BLTP1: variants seen among roughly 807,000 people sequenced by gnomAD.
BLTP1 encodes the protein fragile site-associated protein.
At chr4:122,284,714 T>G in the BLTP1 span, among the ~76,000 whole-genome samples, 6 of 152,190 alleles carry the variant, frequency 3.9e-5, no homozygotes, top group African/African-American at 1.4e-4. Context: ...TACAAAGATA[T>G]TTACAGAACT....
chr4:122,351,299 C>T, the BLTP1 span: 2 of 875,356 alleles, frequency 2.3e-6, no homozygotes, highest in Non-Finnish European at 2.7e-6. Flanking sequence ...ACATTCCACT[C>T]AGAAATCACT....
chr4:122,176,009 T>G, the BLTP1 span: 1 of 710,914 alleles, frequency 1.4e-6, no homozygotes, highest in Non-Finnish European at 2.5e-6. Context: ...GTTAGAAAAG[T>G]TTAATTTTTA....
the BLTP1 span, chr4:122,301,525 T>C: frequency 2.1e-5 from 10 of 487,638 alleles, no homozygotes; most frequent in African/African-American, 2.0e-4. Flanking sequence ...CTCCATCTAC[T>C]CAGAGAAAAA....
the BLTP1 span, chr4:122,275,968 G>A: frequency 1.3e-6 from 2 of 1,554,888 alleles, no homozygotes; most frequent in Admixed American, 2.0e-5. Context: ...CTCTTCATCT[G>A]TAGACTGGAG....
the BLTP1 span, chr4:122,333,331 T>C: frequency 9.4e-6 from 1 of 106,602 alleles, no homozygotes; most frequent in Admixed American, 1.1e-4. Flanking sequence ...TTCTAACTGG[T>C]GTGAGATGAT....
At chr4:122,163,654 C>G in the BLTP1 span, among the ~76,000 whole-genome samples, 1 of 152,196 alleles carries the variant, frequency 6.6e-6, no homozygotes, top group East Asian at 1.9e-4. Flanking sequence ...AATTTACACA[C>G]TATAACTCTA....
the BLTP1 span, among the ~76,000 whole-genome samples, chr4:122,297,266 A>G: frequency 3.9e-5 from 6 of 152,234 alleles, no homozygotes; most frequent in African/African-American, 1.4e-4. Context: ...ACACTTCTCA[A>G]AAGAAGACAT....
At chr4:122,264,556 C>A in the BLTP1 span, 2 of 698,498 alleles carry the variant, frequency 2.9e-6, no homozygotes, top group South Asian at 4.8e-5. Flanking sequence ...CTACAGCCTT[C>A]ATGCAAAACA....
the BLTP1 span, among the ~76,000 whole-genome samples, chr4:122,211,671 C>T: frequency 1.3e-5 from 2 of 152,102 alleles, no homozygotes; most frequent in Admixed American, 6.6e-5. Context: ...AGTGTTGACT[C>T]ATTTTGGTAT....
At chr4:122,226,625 A>G in the BLTP1 span, 1 of 1,577,998 alleles carries the variant, frequency 6.3e-7, no homozygotes, top group Non-Finnish European at 8.6e-7. Context: ...AAGCTACGTT[A>G]ACATTCTTCA....
chr4:122,239,903 T>C, the BLTP1 span: 12 of 1,613,796 alleles, frequency 7.4e-6, no homozygotes, highest in Non-Finnish European at 1.0e-5. Context: ...TTAGCAGTGA[T>C]GAAGGCCCTG....
the BLTP1 span, among the ~76,000 whole-genome samples, chr4:122,352,273 TG>T: frequency 3.3e-5 from 5 of 152,232 alleles, no homozygotes; most frequent in South Asian, 1.0e-3. Context: ...AAAGTTATAA[TG>T]AGAATTGAGA....
the BLTP1 span, chr4:122,249,826 G>A: frequency 1.6e-5 from 23 of 1,412,646 alleles, 1 homozygote; most frequent in Non-Finnish European, 5.6e-6. Context: ...TTTACCGGGG[G>A]TGAGTGCCTC....
chr4:122,226,629 T>G, the BLTP1 span: 1 of 1,579,950 alleles, frequency 6.3e-7, no homozygotes, highest in Non-Finnish European at 8.5e-7. Flanking sequence ...TACGTTAACA[T>G]TCTTCAGAAG....
At chr4:122,236,599 C>A in the BLTP1 span, among the ~76,000 whole-genome samples, 1 of 152,082 alleles carries the variant, frequency 6.6e-6, no homozygotes, top group Non-Finnish European at 1.5e-5. Flanking sequence ...GCCATTGAAG[C>A]CACTTTGTTG....
chr4:122,156,888 G>A, the BLTP1 span, among the ~76,000 whole-genome samples: 2 of 152,162 alleles, frequency 1.3e-5, no homozygotes, highest in East Asian at 1.9e-4. Flanking sequence ...AGGAAGGAAG[G>A]AGATGATGAT....
the BLTP1 span, chr4:122,170,619 T>G: frequency 8.5e-5 from 130 of 1,538,024 alleles, no homozygotes; most frequent in Non-Finnish European, 1.1e-4. Context: ...TTTTAGGCCT[T>G]TAGATGTTGT....
the BLTP1 span, chr4:122,266,763 T>G: frequency 2.6e-5 from 40 of 1,562,894 alleles, no homozygotes; most frequent in Non-Finnish European, 3.5e-5. Context: ...TGAGCTAATA[T>G]GAATGTTTAT....
chr4:122,318,143 C>T, the BLTP1 span: 1 of 1,592,818 alleles, frequency 6.3e-7, no homozygotes, highest in African/African-American at 1.4e-5. Context: ...TGTTTTGCAT[C>T]CAGAAAATTA....
Sources: gnomAD v4.1 joint callset for allele counts (sites outside exome capture counted in the v4.1 genomes callset) on GRCh38, gnomAD v4.1.1 for gene constraint, MANE v1.5 for transcripts, NCBI Gene and HGNC (gene_info 2026-07-23, HGNC 2026-07-21) for gene names.